The following LPP variants were observed in gnomAD, a reference collection of about 807,000 sequenced individuals.
LPP encodes LIM domain containing preferred translocation partner in lipoma.
LPP carries 38 observed loss-of-function variants against 60.4 expected under a neutral mutation model. The ratio of observed to expected loss-of-function variants is 0.63; its 90% CI spans 0.49 to 0.83. The LOEUF is 0.83. Among genes scored for constraint, LPP ranks in the 40% least tolerant of loss-of-function variants. LPP has a pLI of 0.00. For synonymous variants in LPP, 328 were observed against 290.8 expected, an observed-to-expected ratio of 1.13 and a Z score of -1.30; for missense variants, 902 against 783.6, an observed-to-expected ratio of 1.15 and a Z score of -1.80.
At chr3:188,533,536 A>G (rs1000152091) in intron 6 of LPP, among the ~76,000 whole-genome samples, 1 of 152,226 alleles carries the variant, frequency 6.6e-6, no homozygotes, top group Non-Finnish European at 1.5e-5. Flanking sequence ...TTGCTGAGAA[A>G]TAGATTTGTC....
chr3:188,782,768 T>C (rs983151751), intron 9 of LPP, among the ~76,000 whole-genome samples: 35 of 150,790 alleles, frequency 2.3e-4, no homozygotes, highest in African/African-American at 8.5e-4. Flanking sequence ...CAGCCGGGCA[T>C]AATCATATCA....
intron 2 of LPP, among the ~76,000 whole-genome samples, chr3:188,278,346 A>G (rs1442962572): frequency 1.3e-5 from 2 of 152,294 alleles, no homozygotes; most frequent in Admixed American, 6.5e-5. Flanking sequence ...TTTTCTGCTT[A>G]CCTGGCTTGG....
At chr3:188,675,340 C>T (rs1857802060) in intron 7 of LPP, among the ~76,000 whole-genome samples, 1 of 152,206 alleles carries the variant, frequency 6.6e-6, no homozygotes, top group Admixed American at 6.5e-5. Flanking sequence ...CCTGGATCTT[C>T]ATTTTTCATT....
intron 7 of LPP, among the ~76,000 whole-genome samples, chr3:188,649,682 G>T (rs545073653): frequency 6.6e-6 from 1 of 152,150 alleles, no homozygotes; most frequent in South Asian, 2.1e-4. Flanking sequence ...ATAAAGCCTT[G>T]CAGTGAGTCA....
intron 7 of LPP, among the ~76,000 whole-genome samples, chr3:188,639,634 A>T (rs1216443995): frequency 3.3e-5 from 5 of 149,466 alleles, no homozygotes; most frequent in African/African-American, 1.2e-4. Context: ...AAGGGCTAAT[A>T]TCCAGAATCT....
chr3:188,683,823 G>A (rs1162038877), intron 7 of LPP, among the ~76,000 whole-genome samples: 2 of 152,182 alleles, frequency 1.3e-5, no homozygotes, highest in Non-Finnish European at 2.9e-5. Flanking sequence ...TAAGTGTACA[G>A]TGGGAGGGTC....
intron 1 of LPP, among the ~76,000 whole-genome samples, chr3:188,224,684 G>A (rs1196283024): frequency 2.0e-5 from 3 of 152,088 alleles, no homozygotes; most frequent in Non-Finnish European, 4.4e-5. Flanking sequence ...GGAGGAGCAG[G>A]TGTCTCAGAT....
In LPP at chr3:188,662,203, A is replaced by G. The variant is rs1343776884; in HGVS notation, c.1114-46064A>G. ...AAAGGATGCATCTCATAGAATCTCA[A>G]GGTGCTCAGCAGGTAATATGCATTT... On this transcript the variant is annotated intron_variant, in intron 7 of 11. Coordinates refer to ENST00000617246, the MANE Select transcript of LPP (RefSeq NM_001375462.1). Among the ~76,000 whole-genome samples, 7 of 152,256 alleles carry G rather than the reference A, an allele frequency of 4.6e-5. No individual in the cohort carries two copies. The East Asian group carries it at 1.3e-3, about 29-fold the overall frequency.
chr3:188,640,441 C>T lies in LPP; in HGVS notation c.1113+30597C>T, dbSNP rs1399721012. On this transcript the variant is annotated intron_variant, in intron 7 of 11. Transcript: ENST00000617246. ...CTAGATGACGAGTTAGTGGGTGCAG[C>T]GCACCAGCATGGCACATGTATACGT... is the stretch of plus-strand genomic sequence containing the variant. Among the ~76,000 whole-genome samples the T allele has an allele frequency of 5.8e-4, 86 of 148,728 alleles. 1 individual carries two copies. The highest frequency in any genetic ancestry group is 1.8e-3 in the African/African-American group (72 of 40,534).
At chr3:188,197,475 C>T (rs569109391) in intron 1 of LPP, among the ~76,000 whole-genome samples, 2 of 152,288 alleles carry the variant, frequency 1.3e-5, no homozygotes, top group South Asian at 4.1e-4. Flanking sequence ...TGCTTGTGAG[C>T]TGCCTTGGAG....
chr3:188,754,587 G>A lies in LPP; in HGVS notation c.1241-5526G>A, dbSNP rs140758303. On this transcript the variant is annotated intron_variant, in intron 8 of 11. Transcript: ENST00000617246. The stretch of plus-strand genomic sequence containing the variant: ...TAGAATCACCTGGAGAGTTTTAAAA[G>A]TTTCTCTCCTGTAATATCCCACCTC... 7.9e-5 allele frequency among the ~76,000 whole-genome samples: 12 copies of A among 152,160 alleles called. No homozygotes were observed. In the East Asian group the frequency reaches 2.1e-3, roughly 27 times the overall value.
Position 188,609,330 on chromosome 3 carries a change from A to T in LPP, c.599A>T (p.Lys200Ile). ...CCTGTGGCTCCAATCGGAACACTCA[A>T]ACCCCAGCCTCAGCCAGTCCCAGCC... ...PIPVAPIGTLKPQPQPVPASY... is the reference protein window; with the variant it reads ...PIPVAPIGTLIPQPQPVPASY... The change falls in exon 7 of 12, where the codon AAA becomes ATA. Residue 200 changes from lysine (K) to isoleucine (I), a missense_variant. Lys to Ile is a moderately radical substitution (Grantham distance 102). Coordinates refer to ENST00000617246, the MANE Select transcript of LPP (RefSeq NM_001375462.1). The surrounding 1 kb of genome is among the most constrained non-coding windows in gnomAD (Gnocchi z 6.9). 2 of 1,614,038 alleles carry T rather than the reference A, an allele frequency of 1.2e-6. No individual in the cohort carries two copies. Among genetic ancestry groups the T allele is most frequent in the South Asian group, 2.2e-5 (2 of 91,074 alleles).
intron 2 of LPP, among the ~76,000 whole-genome samples, chr3:188,299,069 A>G (rs1278278478): frequency 1.3e-5 from 2 of 152,226 alleles, no homozygotes; most frequent in African/African-American, 4.8e-5. Context: ...AGATTGTATC[A>G]GAATCAGTTA....
At chr3:188,524,958 C>T (rs1820146180) in intron 6 of LPP, among the ~76,000 whole-genome samples, 171 bp downstream of exon 6, 2 of 135,022 alleles carry the variant, frequency 1.5e-5, no homozygotes, top group African/African-American at 2.7e-5. Context: ...CTCTCTCTCT[C>T]TTCTTTCTTT....
At chr3:188,764,288 A>G (rs1733318048) in intron 9 of LPP, among the ~76,000 whole-genome samples, 1 of 152,212 alleles carries the variant, frequency 6.6e-6, no homozygotes. Context: ...CTCATTTACT[A>G]AAGGGAGATA....
In LPP at chr3:188,485,624, C is replaced by T. The variant is rs573587958; in HGVS notation, c.306+920C>T. ...CATCCCGGCTAAAACGGTGAAACCC[C>T]GTCTCTACTAAAAATACAAAAAATT... On this transcript the variant is annotated intron_variant, in intron 5 of 11. Coordinates refer to ENST00000617246, the MANE Select transcript of LPP (RefSeq NM_001375462.1). Among the ~76,000 whole-genome samples the T allele has an allele frequency of 8.3e-3, 1,249 of 150,708 alleles. 22 individuals are homozygous for T. Among genetic ancestry groups the T allele is most frequent in the Non-Finnish European group, 9.0e-3 (606 of 67,682 alleles).
At chr3:188,270,890 G>T (rs1226958060) in intron 2 of LPP, among the ~76,000 whole-genome samples, 3 of 152,178 alleles carry the variant, frequency 2.0e-5, no homozygotes, top group African/African-American at 7.2e-5. Context: ...GCAGACATGG[G>T]TTCTCAGCCC....
In LPP at chr3:188,886,318, T is replaced by TAA. The variant is rs544624721; in HGVS notation, c.*11850_*11851dup. On this transcript the variant is annotated 3_prime_UTR_variant, in exon 12 of 12. Transcript: ENST00000617246. Reference sequence around the variant, plus strand: ...AAGTATAATAATAATGAAATAAAATTAAAAAAAAAAAAGAAAAGTGCCTCA... The same window carrying TAA: ...AAGTATAATAATAATGAAATAAAATTAAAAAAAAAAAAAAGAAAAGTGCCTCA... The TAA allele has an allele frequency of 3.9e-5, 6 of 153,618 alleles. No individual in the cohort carries two copies. The East Asian group carries it at 4.8e-4, about 12-fold the overall frequency. The allele number at this position is 153,618 out of a possible 1,614,324, so 9.5% of individuals were successfully genotyped here. A position where few individuals can be genotyped will look rare whatever the true frequency, so the allele number is the denominator to read the frequency against.
intron 8 of LPP, among the ~76,000 whole-genome samples, chr3:188,753,972 T>G: frequency 6.6e-6 from 1 of 152,320 alleles, no homozygotes; most frequent in Admixed American, 6.5e-5. Context: ...AAAACTCTTG[T>G]ATTCACAGAG....
Sources: gnomAD v4.1 joint callset for allele counts (sites outside exome capture counted in the v4.1 genomes callset) on GRCh38, gnomAD v4.1.1 for gene constraint, Gnocchi (gnomAD v3.1) non-coding constraint, MANE v1.5 for transcripts, NCBI Gene and HGNC (gene_info 2026-07-23, HGNC 2026-07-21) for gene names.